The following CDH13 variants were observed in gnomAD, a reference collection of about 807,000 sequenced individuals.
The protein encoded by CDH13 is cadherin 13, also known as cadherin-13.
In CDH13, 24 loss-of-function variants were observed where a neutral mutation model predicts 63.8. The ratio of observed to expected loss-of-function variants is 0.38; its 90% confidence interval spans 0.27 to 0.53. The LOEUF (loss-of-function observed/expected upper bound fraction) is 0.53, where lower values mean the gene tolerates loss of function less well. Among genes scored for constraint, CDH13 ranks in the 20% least tolerant of loss-of-function variants. The pLI, the probability that CDH13 is intolerant of heterozygous loss-of-function variation, is 0.85. For missense variants in CDH13, 1,049 were observed against 903.1 expected (o/e 1.16, Z -2.07); for synonymous variants, 503 against 355.3 (o/e 1.42, Z -4.67).
At chr16:83,601,285 A>G (rs1297259499) in intron 7 of CDH13, among the ~76,000 whole-genome samples, 6 of 152,110 alleles carry the variant, frequency 3.9e-5, no homozygotes, top group Non-Finnish European at 7.4e-5. Flanking sequence ...ACCAAAGATA[A>G]TTTAAATATA....
At chr16:82,986,400 C>G (rs1357489294) in intron 2 of CDH13, among the ~76,000 whole-genome samples, 1 of 152,216 alleles carries the variant, frequency 6.6e-6, no homozygotes, top group Non-Finnish European at 1.5e-5. Context: ...ATATAAAAGT[C>G]ATTGTCACAA....
chr16:82,927,226 CT>C (rs1180999997), intron 2 of CDH13, among the ~76,000 whole-genome samples: 1 of 152,142 alleles, frequency 6.6e-6, no homozygotes, highest in Admixed American at 6.5e-5. Flanking sequence ...TGAGGCTTGA[CT>C]TTACCATATT....
At chr16:82,974,150 G>A (rs1414286656) in intron 2 of CDH13, among the ~76,000 whole-genome samples, 1 of 152,138 alleles carries the variant, frequency 6.6e-6, no homozygotes, top group Non-Finnish European at 1.5e-5. Context: ...CGTTGGCCAG[G>A]CTGATTTTGA....
intron 7 of CDH13, among the ~76,000 whole-genome samples, chr16:83,550,292 C>T (rs1051690667): frequency 1.3e-5 from 2 of 152,180 alleles, no homozygotes; most frequent in Non-Finnish European, 2.9e-5. Flanking sequence ...AAGCATTCTC[C>T]CAAAGAAGCC....
chr16:83,566,064 C>G (rs1404220545), intron 7 of CDH13, among the ~76,000 whole-genome samples: 4 of 152,188 alleles, frequency 2.6e-5, no homozygotes, highest in African/African-American at 7.2e-5. Flanking sequence ...CTGTGTTCAT[C>G]CGTCTCTTGA....
At chr16:83,262,685 C>T (rs768835129) in intron 5 of CDH13, among the ~76,000 whole-genome samples, 2 of 152,132 alleles carry the variant, frequency 1.3e-5, no homozygotes, top group South Asian at 4.1e-4. Flanking sequence ...AATGGTATAA[C>T]TTTCAAGGGA....
At chr16:83,517,951 C>G (rs1256399271) in intron 7 of CDH13, among the ~76,000 whole-genome samples, 1 of 152,070 alleles carries the variant, frequency 6.6e-6, no homozygotes, top group African/African-American at 2.4e-5. Context: ...AAACTGAGCC[C>G]TGGGGTGATG....
In CDH13 at chr16:83,120,062, C is replaced by T. The variant is rs376322791; in HGVS notation, c.367-5323C>T. ...TTCAGTCGTTCCTTAAGATGCCCAC[C>T]GTGACGGGCCCAGAGAGTCGACATG... On this transcript the variant is annotated intron_variant, in intron 3 of 13. Coordinates refer to ENST00000567109, the MANE Select transcript of CDH13 (RefSeq NM_001257.5). 3.4e-4 allele frequency among the ~76,000 whole-genome samples: 52 copies of T among 152,240 alleles called. 1 individual carries two copies. The South Asian group carries it at 4.6e-3, about 13-fold the overall frequency.
At chr16:82,766,129 C>T (rs771706488) in intron 1 of CDH13, among the ~76,000 whole-genome samples, 1 of 152,140 alleles carries the variant, frequency 6.6e-6, no homozygotes, top group Non-Finnish European at 1.5e-5. Flanking sequence ...TTCCAGAAGC[C>T]CAACATGAAA....
intron 4 of CDH13, among the ~76,000 whole-genome samples, chr16:83,154,481 T>C (rs777146478): frequency 6.6e-6 from 1 of 151,258 alleles, no homozygotes; most frequent in East Asian, 2.0e-4. Flanking sequence ...GCAGGAGAAT[T>C]GCTTGAAACC....
intron 4 of CDH13, among the ~76,000 whole-genome samples, chr16:83,159,768 C>T (rs1403158929): frequency 4.6e-5 from 7 of 152,116 alleles, no homozygotes; most frequent in Non-Finnish European, 7.3e-5. Context: ...TGAGCTGGAT[C>T]GGTTTTTAAA....
chr16:82,651,581 T>C (rs2150908005), intron 1 of CDH13, among the ~76,000 whole-genome samples: 1 of 152,362 alleles, frequency 6.6e-6, no homozygotes, highest in African/African-American at 2.4e-5. Flanking sequence ...TTACTGTGCA[T>C]TGTCTCAACA....
intron 2 of CDH13, among the ~76,000 whole-genome samples, chr16:83,017,847 A>G (rs933982062): frequency 6.6e-6 from 1 of 152,182 alleles, no homozygotes; most frequent in Admixed American, 6.5e-5. Context: ...ACTAACATAA[A>G]TGATGTCCTG....
At chr16:83,329,612 C>A (rs2090439503) in intron 5 of CDH13, among the ~76,000 whole-genome samples, 1 of 152,092 alleles carries the variant, frequency 6.6e-6, no homozygotes, top group African/African-American at 2.4e-5. Flanking sequence ...TAAATTTTTT[C>A]ATGCTATTGT....
At chr16:83,434,353 T>C (rs1275354665) in intron 6 of CDH13, among the ~76,000 whole-genome samples, 1 of 152,106 alleles carries the variant, frequency 6.6e-6, no homozygotes, top group African/African-American at 2.4e-5. Flanking sequence ...TACTTCCCCA[T>C]TTGTGTGACA....
At chr16:82,690,363 G>C (rs941928063) in intron 1 of CDH13, among the ~76,000 whole-genome samples, 1 of 151,918 alleles carries the variant, frequency 6.6e-6, no homozygotes, top group Middle Eastern at 3.2e-3. Flanking sequence ...TTAATATTTA[G>C]CTATAAATGA....
At chr16:82,728,101 C>G (rs546342839) in intron 1 of CDH13, among the ~76,000 whole-genome samples, 1 of 152,120 alleles carries the variant, frequency 6.6e-6, no homozygotes, top group Admixed American at 6.6e-5. Flanking sequence ...ATTTATAGGG[C>G]TGCTGTGAGA....
intron 6 of CDH13, among the ~76,000 whole-genome samples, chr16:83,445,981 C>G (rs914798113): frequency 4.6e-5 from 7 of 152,110 alleles, no homozygotes; most frequent in Non-Finnish European, 1.0e-4. Flanking sequence ...CCTCCCCCAT[C>G]AAACTTTTTT....
At chr16:82,631,616 C>G (rs550146910) in intron 1 of CDH13, among the ~76,000 whole-genome samples, 1 of 152,334 alleles carries the variant, frequency 6.6e-6, no homozygotes, top group East Asian at 1.9e-4. Flanking sequence ...CTGCAGCCAC[C>G]TGGGATCCCA....
Sources: gnomAD v4.1 joint callset for allele counts (sites outside exome capture counted in the v4.1 genomes callset) on GRCh38, gnomAD v4.1.1 for gene constraint, MANE v1.5 for transcripts, NCBI Gene and HGNC (gene_info 2026-07-23, HGNC 2026-07-21) for gene names.